The following TP63 variants were observed in gnomAD, a reference collection of about 807,000 sequenced individuals.
TP63 encodes tumor protein 63.
TP63 carries 17 observed loss-of-function variants against 82.8 expected under a neutral mutation model. The observed-to-expected ratio is 0.21, with a 90% CI of 0.14 to 0.31. The LOEUF (loss-of-function observed/expected upper bound fraction) is 0.31. TP63 is among the 10% of genes least tolerant of loss of function. The probability of loss-of-function intolerance (pLI) is 1.00; values close to 1 mark genes in which losing one functional copy is unlikely to be tolerated. For synonymous variants in TP63, 330 were observed against 321.7 expected, an observed-to-expected ratio of 1.03 and a Z score of -0.28; for missense variants, 648 against 895.3, an observed-to-expected ratio of 0.72 and a Z score of 3.52.
intron 1 of TP63, among the ~76,000 whole-genome samples, chr3:189,686,596 A>C (rs918267761): frequency 6.6e-5 from 10 of 151,840 alleles, no homozygotes; most frequent in Non-Finnish European, 1.5e-4. Flanking sequence ...AAGAATAAAT[A>C]AATAAATAAA....
rs756653133 is a variant in TP63, at chr3:189,886,508, C to G, written c.1464C>G (p.Asn488Lys). 3 of 1,614,122 alleles carry G rather than the reference C, an allele frequency of 1.9e-6. No homozygotes were observed. The highest frequency in any genetic ancestry group is 1.7e-6 in the Non-Finnish European group (2 of 1,179,990). The change falls in exon 11 of 14, where the codon AAC becomes AAG. Residue 488 changes from asparagine to lysine, a missense_variant. Transcript: ENST00000264731. ...AGCTTATCAACCCTCAGCAGCGCAA[C>G]GCCCTCACTCCTACAACCATTCCTG... ...VSQLINPQQRNALTPTTIPDG... is the reference protein window; with the variant it reads ...VSQLINPQQRKALTPTTIPDG...
In TP63 at chr3:189,861,485, G is replaced by A. The variant is rs186863230; in HGVS notation, c.580-2747G>A. Among the ~76,000 whole-genome samples the A allele has an allele frequency of 8.4e-3, 1,277 of 152,144 alleles. 13 individuals are homozygous for A. The highest frequency in any genetic ancestry group is 0.015 in the Non-Finnish European group (999 of 68,018). ...GATAGATAAGGCCATAATACAGAGG[G>A]CCTCATAAAGTCCTCAATAAACCAT... On this transcript the variant is annotated intron_variant, in intron 4 of 13. Transcript: ENST00000264731.
At chr3:189,757,991 C>T (rs1416768327) in intron 3 of TP63, among the ~76,000 whole-genome samples, 1 of 152,076 alleles carries the variant, frequency 6.6e-6, no homozygotes, top group African/African-American at 2.4e-5. Flanking sequence ...AGTATATGAC[C>T]TTCTAGGAAC....
intron 3 of TP63, among the ~76,000 whole-genome samples, chr3:189,745,374 G>A (rs1263605454): frequency 6.6e-6 from 1 of 152,082 alleles, no homozygotes; most frequent in Non-Finnish European, 1.5e-5. Flanking sequence ...GATAATTCAG[G>A]ATATAAATGA....
At chr3:189,775,220 CAAAAAAAAAAA>C (rs56288032) in intron 3 of TP63, among the ~76,000 whole-genome samples, 7 of 93,030 alleles carry the variant, frequency 7.5e-5, no homozygotes, top group African/African-American at 2.6e-4. Flanking sequence ...AACTCTGTCT[CAAAAAAAAAAA>C]AAAAAAAAAA....
At chr3:189,713,117 T>C (rs1015884749) in intron 1 of TP63, among the ~76,000 whole-genome samples, 1 of 152,182 alleles carries the variant, frequency 6.6e-6, no homozygotes, top group Non-Finnish European at 1.5e-5. Flanking sequence ...GTCAGATAGA[T>C]TGAGATGCAA....
chr3:189,681,940 A>G (rs1056177227), intron 1 of TP63, among the ~76,000 whole-genome samples: 2 of 152,070 alleles, frequency 1.3e-5, no homozygotes, highest in African/African-American at 2.4e-5. Flanking sequence ...GGCTTTGAAA[A>G]CTATATTGTC....
rs377602490 is a variant in TP63 at position 189,867,956 on chromosome 3, G to T, written c.992+14G>T. Reference sequence around the variant, plus strand: ...GGAAACCAGAGAGTAAGTGGCGTATGTAAAATTGTCATTCTACACAAAAAA... The same window carrying T: ...GGAAACCAGAGAGTAAGTGGCGTATTTAAAATTGTCATTCTACACAAAAAA... On this transcript the variant is annotated intron_variant, in intron 7 of 13. Transcript: ENST00000264731. 5 of 1,606,320 alleles carry T rather than the reference G, an allele frequency of 3.1e-6. No homozygotes were observed. The African/African-American group carries it at 4.0e-5, about 13-fold the overall frequency.
intron 1 of TP63, among the ~76,000 whole-genome samples, chr3:189,672,586 A>C (rs1195983599): frequency 1.3e-5 from 2 of 148,660 alleles, no homozygotes; most frequent in Admixed American, 6.7e-5. Flanking sequence ...TGGGTGACAG[A>C]GCAAGAACCT....
At chr3:189,853,596 A>C (rs2108771335) in intron 4 of TP63, among the ~76,000 whole-genome samples, 1 of 152,348 alleles carries the variant, frequency 6.6e-6, no homozygotes, top group South Asian at 2.1e-4. Context: ...CTTGGAAAAA[A>C]TAATATCCTC....
At chr3:189,635,941 A>G (rs943169496) in intron 1 of TP63, among the ~76,000 whole-genome samples, 1 of 152,142 alleles carries the variant, frequency 6.6e-6, no homozygotes, top group African/African-American at 2.4e-5. Flanking sequence ...ATCCATTTCA[A>G]TGAGCACACT....
Position 189,895,633 on chromosome 3 carries a change from G to A in TP63, c.*1131G>A, listed in dbSNP as rs1475112822. 1 of 226,086 alleles carries A rather than the reference G, an allele frequency of 4.4e-6. No individual in the cohort carries two copies. The highest frequency in any genetic ancestry group is 8.8e-6 in the Non-Finnish European group (1 of 113,870). The allele number at this position is 226,086 out of a possible 1,614,324, so 14.0% of individuals were successfully genotyped here. On this transcript the variant is annotated 3_prime_UTR_variant, in exon 14 of 14. Transcript: ENST00000264731. ...GTACTAAACAGTAAGATATCTCAAT[G>A]AACCATAAATTCAACTTTGTAAAAA...
chr3:189,806,318 T>C (rs1254642303), intron 3 of TP63, among the ~76,000 whole-genome samples: 1 of 152,118 alleles, frequency 6.6e-6, no homozygotes, highest in African/African-American at 2.4e-5. Context: ...GAGAAAGTGC[T>C]GTGAGTTTCT....
chr3:189,802,379 G>T (rs752057942), intron 3 of TP63, among the ~76,000 whole-genome samples: 46 of 152,206 alleles, frequency 3.0e-4, no homozygotes, highest in African/African-American at 1.1e-3. Context: ...AGATTTCTAA[G>T]TTTGGTCAGG....
intron 1 of TP63, among the ~76,000 whole-genome samples, chr3:189,640,086 G>A (rs1185114703): frequency 6.6e-6 from 1 of 151,788 alleles, no homozygotes; most frequent in African/African-American, 2.4e-5. Context: ...GAATTTAGTA[G>A]TGTCATTTAC....
chr3:189,735,115 C>T (rs1189702635), intron 1 of TP63, among the ~76,000 whole-genome samples: 5 of 152,100 alleles, frequency 3.3e-5, no homozygotes, highest in Non-Finnish European at 7.4e-5. Context: ...TTCCTAGATC[C>T]CATTGCCATT....
intron 1 of TP63, among the ~76,000 whole-genome samples, chr3:189,718,163 A>G (rs1349103989): frequency 6.6e-6 from 1 of 152,184 alleles, no homozygotes; most frequent in Non-Finnish European, 1.5e-5. Context: ...ACAACTTTGC[A>G]GTGACCAGAA....
chr3:189,742,460 T>G (rs1298477287), intron 3 of TP63, among the ~76,000 whole-genome samples: 3 of 152,114 alleles, frequency 2.0e-5, no homozygotes, highest in Non-Finnish European at 2.9e-5. Flanking sequence ...TAACCTGTAT[T>G]GGATTTTTCC....
chr3:189,865,402 G>T (rs75652722), intron 5 of TP63, among the ~76,000 whole-genome samples: 280 of 152,232 alleles, frequency 1.8e-3, no homozygotes, highest in African/African-American at 6.4e-3. Context: ...AGCAGAAAAG[G>T]TCAGCAATGC....
Sources: gnomAD v4.1 joint callset for allele counts (sites outside exome capture counted in the v4.1 genomes callset) on GRCh38, gnomAD v4.1.1 for gene constraint, MANE v1.5 for transcripts, NCBI Gene and HGNC (gene_info 2026-07-23, HGNC 2026-07-21) for gene names.